The following USH2A variants were observed in gnomAD, a reference collection of about 807,000 sequenced individuals.
The protein encoded by USH2A is Usher syndrome 2A (autosomal recessive, mild).
USH2A carries 443 observed loss-of-function variants against 538.9 expected under a neutral mutation model. That is an observed-to-expected ratio of 0.82 (90% CI 0.76 to 0.89). The LOEUF (loss-of-function observed/expected upper bound fraction) is 0.89, where lower values mean the gene tolerates loss of function less well. Ranked by LOEUF, USH2A falls within the 40% of genes least tolerant of loss-of-function variation. The pLI, the probability that USH2A is intolerant of heterozygous loss-of-function variation, is 0.00. For missense variants in USH2A, 6,633 were observed against 6,324.8 expected (o/e 1.05, Z -1.65); for synonymous variants, 2,413 against 2,273.5 (o/e 1.06, Z -1.75).
chr1:216,328,565 T>G (rs895316134), intron 4 of USH2A, among the ~76,000 whole-genome samples: 4 of 152,098 alleles, frequency 2.6e-5, no homozygotes, highest in African/African-American at 9.7e-5. Flanking sequence ...CCCAATGTGT[T>G]TTTTCTTTTA....
intron 44 of USH2A, among the ~76,000 whole-genome samples, chr1:215,863,814 C>T (rs1047902193): frequency 1.3e-5 from 2 of 151,424 alleles, no homozygotes; most frequent in African/African-American, 4.9e-5. Flanking sequence ...TCTACAAAAA[C>T]ATTTTAAAAA....
At chr1:216,335,892 A>G (rs929147145) in intron 4 of USH2A, among the ~76,000 whole-genome samples, 1 of 151,620 alleles carries the variant, frequency 6.6e-6, no homozygotes, top group African/African-American at 2.4e-5. Flanking sequence ...TCCAAAAAAT[A>G]GAAGAGGAAG....
At position 216,186,350 on chromosome 1, in the gene USH2A, C is replaced by T. The variant is rs183662601; in HGVS notation, c.4396+3873G>A. On this transcript the variant is annotated intron_variant, in intron 20 of 71. Transcript: ENST00000307340. The stretch of plus-strand genomic sequence containing the variant: ...ATCCCCAGAGAGTCACCAGTGACCT[C>T]GCATCCATTTTAGGTCACATTTCTC... Among the ~76,000 whole-genome samples the T allele has an allele frequency of 2.2e-4, 34 of 151,992 alleles. No homozygotes were observed. The East Asian group carries it at 5.8e-3, about 26-fold the overall frequency.
chr1:215,744,876 A>C (rs1185407049), intron 58 of USH2A, among the ~76,000 whole-genome samples: 5 of 152,200 alleles, frequency 3.3e-5, no homozygotes, highest in Non-Finnish European at 7.4e-5. Context: ...TGGCTAAACT[A>C]TCTGGTACAT....
chr1:215,741,599 C>A, intron 59 of USH2A, 62 bp from the exon 60 acceptor site: 3 of 1,567,426 alleles, frequency 1.9e-6, no homozygotes, highest in South Asian at 1.1e-5. Flanking sequence ...ACTACATATT[C>A]ATACAGAAGG....
At chr1:216,294,553 G>A (rs1288912807) in intron 9 of USH2A, among the ~76,000 whole-genome samples, 1 of 150,770 alleles carries the variant, frequency 6.6e-6, no homozygotes, top group Non-Finnish European at 1.5e-5. Flanking sequence ...TTTATTTTGG[G>A]GATCGGGAGT....
chr1:216,099,576 C>A (rs1261502228), intron 21 of USH2A, among the ~76,000 whole-genome samples: 2 of 152,104 alleles, frequency 1.3e-5, no homozygotes. Flanking sequence ...CGTAACTTAG[C>A]TACACAGAAA....
At chr1:216,007,225 A>C (rs556183587) in intron 32 of USH2A, among the ~76,000 whole-genome samples, 1 of 152,220 alleles carries the variant, frequency 6.6e-6, no homozygotes, top group East Asian at 1.9e-4. Flanking sequence ...CAAATTACAC[A>C]GTCTCGGGTA....
chr1:215,731,987 C>G (rs1190448087), intron 60 of USH2A, among the ~76,000 whole-genome samples: 2 of 152,050 alleles, frequency 1.3e-5, no homozygotes. Context: ...AGTTAATAAC[C>G]TCATAGAGTA....
At chr1:216,159,890 A>C (rs2034020497) in intron 21 of USH2A, among the ~76,000 whole-genome samples, 1 of 152,006 alleles carries the variant, frequency 6.6e-6, no homozygotes, top group Non-Finnish European at 1.5e-5. Flanking sequence ...TTAAATTTGG[A>C]GATTTTTCTC....
intron 13 of USH2A, among the ~76,000 whole-genome samples, chr1:216,240,036 GAGA>G (rs2035907305): frequency 7.2e-6 from 1 of 139,542 alleles, no homozygotes; most frequent in African/African-American, 2.6e-5. Flanking sequence ...AAAAAAAAGA[GAGA>G]AGGAGAAAAA....
intron 41 of USH2A, among the ~76,000 whole-genome samples, chr1:215,885,882 G>A (rs565361894): frequency 1.3e-5 from 2 of 152,254 alleles, no homozygotes; most frequent in South Asian, 4.2e-4. Flanking sequence ...CACCCTATCA[G>A]CTGGCATTCC....
chr1:215,805,402 A>G (rs1662472131), intron 49 of USH2A, among the ~76,000 whole-genome samples: 1 of 152,138 alleles, frequency 6.6e-6, no homozygotes, highest in Non-Finnish European at 1.5e-5. Flanking sequence ...GACCAAAAAC[A>G]GAATGGTGGT....
At chr1:216,320,390 G>A (rs934287256) in intron 9 of USH2A, among the ~76,000 whole-genome samples, 1 of 152,090 alleles carries the variant, frequency 6.6e-6, no homozygotes, top group Non-Finnish European at 1.5e-5. Context: ...TATTTACCTA[G>A]TCTCAGGTCT....
intron 11 of USH2A, among the ~76,000 whole-genome samples, chr1:216,265,555 T>G (rs61828080): frequency 1.3e-5 from 2 of 152,046 alleles, no homozygotes; most frequent in Non-Finnish European, 2.9e-5. Flanking sequence ...CTCCCATGTT[T>G]ATTGCAGTAC....
chr1:216,273,676 T>A (rs1041042143), intron 11 of USH2A, among the ~76,000 whole-genome samples: 3 of 152,042 alleles, frequency 2.0e-5, no homozygotes, highest in Admixed American at 2.0e-4. Flanking sequence ...AATTAAATGC[T>A]ATATCACTGA....
At chr1:216,264,284 C>T (rs1351438035) in intron 11 of USH2A, among the ~76,000 whole-genome samples, 1 of 151,828 alleles carries the variant, frequency 6.6e-6, no homozygotes, top group Non-Finnish European at 1.5e-5. Context: ...ACCATAAAGA[C>T]CCAGAATAGA....
chr1:215,879,735 C>T (rs989647821), intron 41 of USH2A, among the ~76,000 whole-genome samples: 3 of 152,190 alleles, frequency 2.0e-5, no homozygotes, highest in African/African-American at 7.2e-5. Context: ...AACATGTGGA[C>T]TTGAGCATCA....
chr1:215,955,230 T>C (rs2102445110), intron 37 of USH2A, among the ~76,000 whole-genome samples: 1 of 152,324 alleles, frequency 6.6e-6, no homozygotes, highest in Middle Eastern at 3.4e-3. Flanking sequence ...ACTTTCTAAA[T>C]GTTTCAGATG....
Sources: gnomAD v4.1 joint callset for allele counts (sites outside exome capture counted in the v4.1 genomes callset) on GRCh38, gnomAD v4.1.1 for gene constraint, MANE v1.5 for transcripts, NCBI Gene and HGNC (gene_info 2026-07-23, HGNC 2026-07-21) for gene names.